The following CLEC6A variants were observed in gnomAD, a reference collection of about 807,000 sequenced individuals.
CLEC6A encodes the protein C-type lectin domain family 6 member A.
Under a neutral mutation model 25.7 loss-of-function variants are expected in CLEC6A, and 22 were observed. That is an observed-to-expected ratio of 0.85 (90% CI 0.61 to 1.22). The LOEUF (loss-of-function observed/expected upper bound fraction) is 1.22, where lower values mean the gene tolerates loss of function less well. CLEC6A is among the 50% of genes most tolerant of loss of function. The pLI, the probability that CLEC6A is intolerant of heterozygous loss-of-function variation, is 0.00. For synonymous variants in CLEC6A, 92 were observed against 76.7 expected (o/e 1.20, Z -1.04); for missense variants, 240 against 236.8 (o/e 1.01, Z -0.09).
chr12:8,474,605 A>C (rs760817177), intron 4 of CLEC6A, among the ~76,000 whole-genome samples: 1 of 152,304 alleles, frequency 6.6e-6, no homozygotes, highest in African/African-American at 2.4e-5. Flanking sequence ...GCTGAGAAGC[A>C]CTACTCCCCA....
chr12:8,477,222 T>G, intron 5 of CLEC6A, 98 bp from the exon 6 acceptor site: 1 of 914,628 alleles, frequency 1.1e-6, no homozygotes, highest in Non-Finnish European at 1.6e-6. Context: ...ATGTTCTCTC[T>G]TCCTAAATCC....
chr12:8,456,835 C>G (rs1277918097), intron 1 of CLEC6A, among the ~76,000 whole-genome samples: 1 of 152,158 alleles, frequency 6.6e-6, no homozygotes, highest in Non-Finnish European at 1.5e-5. Flanking sequence ...TTGGGTTAGG[C>G]TCAGTGGCTC....
At chr12:8,460,961 T>C in intron 3 of CLEC6A, 1 of 962,580 alleles carries the variant, frequency 1.0e-6, no homozygotes, top group East Asian at 2.4e-5. Flanking sequence ...GCTCTAAGAG[T>C]CCCAAATTCT....
intron 4 of CLEC6A, among the ~76,000 whole-genome samples, chr12:8,471,194 T>C (rs1229466086): frequency 6.6e-6 from 1 of 152,088 alleles, no homozygotes; most frequent in Non-Finnish European, 1.5e-5. Flanking sequence ...TGGTTTGTAG[T>C]ATTCTGCTGA....
intron 3 of CLEC6A, chr12:8,461,330 C>T: frequency 4.0e-6 from 2 of 501,170 alleles, no homozygotes; most frequent in South Asian, 2.3e-5. Flanking sequence ...AAGTAAAGTG[C>T]ATAGTTTTCT....
chr12:8,474,034 C>T (rs1939940152), intron 4 of CLEC6A, among the ~76,000 whole-genome samples: 1 of 151,990 alleles, frequency 6.6e-6, no homozygotes, highest in Non-Finnish European at 1.5e-5. Flanking sequence ...TGCCTGTTTG[C>T]TCCATTGATA....
intron 4 of CLEC6A, among the ~76,000 whole-genome samples, chr12:8,475,013 C>T (rs1939953658): frequency 6.6e-6 from 1 of 152,002 alleles, no homozygotes; most frequent in African/African-American, 2.4e-5. Flanking sequence ...AGGTATTTCT[C>T]CTAATGCTTT....
chr12:8,477,258 A>G, intron 5 of CLEC6A, 62 bp from the exon 6 acceptor site: 2 of 1,387,790 alleles, frequency 1.4e-6, no homozygotes, highest in Non-Finnish European at 2.0e-6. Flanking sequence ...AGACTTTTAT[A>G]CTTTCTAATC....
intron 4 of CLEC6A, among the ~76,000 whole-genome samples, chr12:8,469,071 T>C (rs1939872391): frequency 6.6e-6 from 1 of 152,178 alleles, no homozygotes; most frequent in Non-Finnish European, 1.5e-5. Flanking sequence ...CTAAAACTGA[T>C]AAATGAGTTC....
At chr12:8,465,713 T>G in intron 4 of CLEC6A, 84 bp downstream of exon 4, 1 of 1,147,936 alleles carries the variant, frequency 8.7e-7, no homozygotes. Context: ...TTCAGTGTAC[T>G]GTTCAGTAGC....
chr12:8,459,923 A>G (rs762613046), intron 3 of CLEC6A, among the ~76,000 whole-genome samples: 1 of 152,334 alleles, frequency 6.6e-6, no homozygotes, highest in South Asian at 2.1e-4. Context: ...TAAATATTAT[A>G]AACCTACATG....
chr12:8,461,685 A>C (rs755672775), intron 3 of CLEC6A, among the ~76,000 whole-genome samples: 1 of 152,234 alleles, frequency 6.6e-6, no homozygotes, highest in Non-Finnish European at 1.5e-5. Flanking sequence ...GAAAAATAAA[A>C]ATAAAAGTCC....
chr12:8,457,820 T>C (rs1203486454), intron 1 of CLEC6A, 78 bp from the exon 2 acceptor site: 4 of 996,138 alleles, frequency 4.0e-6, no homozygotes, highest in South Asian at 1.3e-5. Context: ...TCTAGTTTGT[T>C]CATTGTTGTA....
intron 2 of CLEC6A, 116 bp from the exon 3 acceptor site, chr12:8,459,481 C>T (rs1480734572): frequency 6.3e-6 from 4 of 632,000 alleles, no homozygotes; most frequent in Middle Eastern, 3.2e-4. Context: ...TTTTATGGGG[C>T]TTGCCTAGAG....
chr12:8,476,180 A>G lies in CLEC6A; in HGVS notation c.425A>G (p.Asp142Gly). 6.2e-7 allele frequency: 1 copy of G among 1,610,506 alleles called. No homozygotes were observed. Among genetic ancestry groups the G allele is most frequent in the East Asian group, 2.2e-5 (1 of 44,848 alleles). Reference sequence around the variant, plus strand: ...TTTTCTTATTTTCTGGGGCTTTCAGACCCACAAGGTAATAATAATTGGCAA... The same window carrying G: ...TTTTCTTATTTTCTGGGGCTTTCAGGCCCACAAGGTAATAATAATTGGCAA... ...ESFSYFLGLS[D>G]PQGNNNWQWI... Residue 142 changes from aspartate to glycine, a missense_variant, in exon 5 of 6, where the codon GAC becomes GGC. By Grantham distance (94) the Asp-to-Gly change is moderately conservative. Coordinates refer to ENST00000382073, the MANE Select transcript of CLEC6A (RefSeq NM_001007033.2).
At chr12:8,470,918 G>A (rs1939897710) in intron 4 of CLEC6A, among the ~76,000 whole-genome samples, 1 of 151,962 alleles carries the variant, frequency 6.6e-6, no homozygotes, top group Non-Finnish European at 1.5e-5. Context: ...TGAGTATGAT[G>A]TTAGTCATGG....
chr12:8,465,272 G>A lies in CLEC6A; in HGVS notation c.224-212G>A, dbSNP rs568684252. ...TTTTTTTTTTGCAAAAAAGAAAATT[G>A]GGAGAAATTCTGCAGGTAAACTTTA... is the stretch of plus-strand genomic sequence containing the variant. On this transcript the variant is annotated intron_variant, in intron 3 of 5. Coordinates refer to ENST00000382073, the MANE Select transcript of CLEC6A (RefSeq NM_001007033.2). Among the ~76,000 whole-genome samples, 62 of 149,892 alleles carry A rather than the reference G, an allele frequency of 4.1e-4. 1 individual carries two copies. The South Asian group carries it at 0.013, about 31-fold the overall frequency.
In CLEC6A at chr12:8,456,052, A is replaced by G. The variant is rs1939671014; in HGVS notation, c.-60A>G. The stretch of plus-strand genomic sequence containing the variant: ...AAATGAAGCTGAGTCTCTGGGCAAC[A>G]TCTTTAGGGAGAGAGGTACAAAAGG... On this transcript the variant is annotated 5_prime_UTR_variant, in exon 1 of 6. Transcript: ENST00000382073. The G allele has an allele frequency of 6.4e-7, 1 of 1,564,938 alleles. No individual in the cohort carries two copies. Among genetic ancestry groups the G allele is most frequent in the African/African-American group, 1.4e-5 (1 of 74,016 alleles).
intron 2 of CLEC6A, 83 bp from the exon 3 acceptor site, chr12:8,459,514 T>C: frequency 2.4e-6 from 2 of 818,206 alleles, no homozygotes; most frequent in East Asian, 2.4e-5. Context: ...GGGTCAGAGG[T>C]AAGCCAGCAC....
Sources: gnomAD v4.1 joint callset for allele counts (sites outside exome capture counted in the v4.1 genomes callset) on GRCh38, gnomAD v4.1.1 for gene constraint, MANE v1.5 for transcripts, NCBI Gene and HGNC (gene_info 2026-07-23, HGNC 2026-07-21) for gene names.